Variants in SGK1 observed in about 807,000 individuals in gnomAD.
SGK1 encodes serum/glucocorticoid regulated kinase 1.
SGK1 carries 26 observed loss-of-function variants against 64.2 expected under a neutral mutation model. That is an observed-to-expected ratio of 0.40 (90% CI 0.30 to 0.56). The LOEUF (loss-of-function observed/expected upper bound fraction) is 0.56. Ranked by LOEUF, SGK1 falls within the 20% of genes least tolerant of loss-of-function variation. The probability of loss-of-function intolerance (pLI) is 0.38; values close to 1 mark genes in which losing one functional copy is unlikely to be tolerated. For missense variants in SGK1, 519 were observed against 645.6 expected (o/e 0.80, Z 2.12); for synonymous variants, 265 against 239.7 (o/e 1.11, Z -0.98).
chr6:134,261,033 G>A (rs1776759116), intron 2 of SGK1: 1 of 152,068 alleles, frequency 6.6e-6, no homozygotes, highest in African/African-American at 2.4e-5. Context: ...TAAGTTATAA[G>A]TTAAAAATAT....
At position 134,191,120 on chromosome 6, in the gene SGK1, C is replaced by A. The variant is rs146379558; in HGVS notation, c.361+16236G>T. ...CTGCTCACCTTAGCACTATTGTATTCATGTGTTTATGTGTATAAAGGACAG... is the reference window on the plus strand; with the variant it reads ...CTGCTCACCTTAGCACTATTGTATTAATGTGTTTATGTGTATAAAGGACAG... On this transcript the variant is annotated intron_variant, in intron 3 of 13. Coordinates refer to ENST00000367858, the MANE Select transcript of SGK1 (RefSeq NM_001143676.3). Among the ~76,000 whole-genome samples the A allele has an allele frequency of 6.4e-3, 978 of 152,280 alleles. 8 individuals are homozygous for A. Among genetic ancestry groups the A allele is most frequent in the African/African-American group, 0.022 (934 of 41,554 alleles).
chr6:134,183,633 A>C lies in SGK1; in HGVS notation c.362-9047T>G, dbSNP rs568970395. ...CTATGCCTTAATGTCATTAAAGTAC[A>C]GCCTTGGGCACGTTTGATCATTTAG... On this transcript the variant is annotated intron_variant, in intron 3 of 13. Coordinates refer to ENST00000367858, the MANE Select transcript of SGK1 (RefSeq NM_001143676.3). Among the ~76,000 whole-genome samples, 15 of 152,320 alleles carry C rather than the reference A, an allele frequency of 9.8e-5. No individual in the cohort carries two copies. In the East Asian group the frequency reaches 2.9e-3, roughly 29 times the overall value.
intron 2 of SGK1, among the ~76,000 whole-genome samples, chr6:134,214,108 A>G (rs1170505210): frequency 1.3e-5 from 2 of 150,902 alleles, no homozygotes; most frequent in African/African-American, 4.9e-5. Flanking sequence ...TTTTGTAGAG[A>G]CGGGGTCTCA....
At chr6:134,226,929 C>A (rs185495241) in intron 2 of SGK1, among the ~76,000 whole-genome samples, 1 of 152,074 alleles carries the variant, frequency 6.6e-6, no homozygotes, top group Admixed American at 6.6e-5. Flanking sequence ...CTCAAGCCAT[C>A]CTCACACTTT....
chr6:134,181,894 A>G (rs970792647), intron 3 of SGK1, among the ~76,000 whole-genome samples: 4 of 151,908 alleles, frequency 2.6e-5, no homozygotes, highest in Admixed American at 1.3e-4. Context: ...GTCTCACTTC[A>G]TCACCCAGGC....
At chr6:134,255,633 G>A (rs1303688142) in intron 2 of SGK1, among the ~76,000 whole-genome samples, 11 of 141,366 alleles carry the variant, frequency 7.8e-5, no homozygotes, top group African/African-American at 2.6e-4. Flanking sequence ...CTAGGCTGGA[G>A]TACAATGGCA....
intron 1 of SGK1, among the ~76,000 whole-genome samples, chr6:134,305,873 T>G (rs1021744870): frequency 1.3e-5 from 2 of 152,202 alleles, no homozygotes; most frequent in Admixed American, 6.5e-5. Flanking sequence ...AATTTCTATA[T>G]GAGTTTTCAG....
intron 2 of SGK1, among the ~76,000 whole-genome samples, chr6:134,214,385 G>A (rs1016322341): frequency 2.0e-4 from 30 of 152,166 alleles, no homozygotes; most frequent in African/African-American, 6.0e-4. Flanking sequence ...GAGGTCAGGC[G>A]TTCGAGACCA....
At chr6:134,236,401 C>A (rs1313644131) in intron 2 of SGK1, among the ~76,000 whole-genome samples, 1 of 151,942 alleles carries the variant, frequency 6.6e-6, no homozygotes, top group Non-Finnish European at 1.5e-5. Flanking sequence ...CTGAGGTGGG[C>A]GAATTGCTTG....
At chr6:134,234,137 C>T (rs1371830064) in intron 2 of SGK1, among the ~76,000 whole-genome samples, 3 of 152,202 alleles carry the variant, frequency 2.0e-5, no homozygotes, top group Admixed American at 6.5e-5. Context: ...TGGTGGCTCA[C>T]GCCTGTGATT....
intron 2 of SGK1, among the ~76,000 whole-genome samples, chr6:134,223,002 T>G (rs1185857532): frequency 1.3e-5 from 2 of 152,150 alleles, no homozygotes; most frequent in Admixed American, 1.3e-4. Flanking sequence ...GTAATACAAA[T>G]TGAGCAGTGT....
intron 3 of SGK1, among the ~76,000 whole-genome samples, chr6:134,179,832 G>A (rs1775304817): frequency 6.6e-6 from 1 of 152,144 alleles, no homozygotes; most frequent in Non-Finnish European, 1.5e-5. Context: ...TGAGCCCATA[G>A]GAAAATTGAC....
In SGK1 at chr6:134,172,533, G is replaced by A. The variant is rs372277589; in HGVS notation, c.947+129C>T. 579 of 785,068 alleles carry A rather than the reference G, an allele frequency of 7.4e-4. 4 individuals carry two copies. In the South Asian group the frequency reaches 8.9e-3, roughly 12 times the overall value. The allele number at this position is 785,068 out of a possible 1,614,324, so 48.6% of individuals were successfully genotyped here. On this transcript the variant is annotated intron_variant, in intron 9 of 13. Coordinates refer to ENST00000367858, the MANE Select transcript of SGK1 (RefSeq NM_001143676.3). ...TGGCACTTAAGTCAAGCCAGCTCAC[G>A]TGCTAGGGGATCTGGTTTTAGGCAA...
At chr6:134,224,991 G>A (rs922623987) in intron 2 of SGK1, among the ~76,000 whole-genome samples, 1 of 132,248 alleles carries the variant, frequency 7.6e-6, no homozygotes, top group Admixed American at 9.1e-5. Flanking sequence ...CTGCATTCCA[G>A]CCTGGAGACT....
At chr6:134,251,958 C>A (rs1417438717) in intron 2 of SGK1, among the ~76,000 whole-genome samples, 2 of 152,098 alleles carry the variant, frequency 1.3e-5, no homozygotes, top group Non-Finnish European at 2.9e-5. Context: ...AGTCTTTCTA[C>A]GTGACCCAGG....
intron 3 of SGK1, among the ~76,000 whole-genome samples, chr6:134,206,978 C>T (rs945599839): frequency 1.3e-5 from 2 of 151,926 alleles, no homozygotes; most frequent in Non-Finnish European, 2.9e-5. Flanking sequence ...GTAATCCCAG[C>T]ACTTTGGGAG....
intron 3 of SGK1, among the ~76,000 whole-genome samples, chr6:134,199,690 C>T (rs182011400): frequency 9.7e-4 from 144 of 147,970 alleles, no homozygotes; most frequent in Admixed American, 1.8e-3. Context: ...ATATGAACAA[C>T]GCATAATCCT....
intron 2 of SGK1, among the ~76,000 whole-genome samples, chr6:134,239,070 A>G (rs1428979249): frequency 6.6e-6 from 1 of 152,244 alleles, no homozygotes; most frequent in Non-Finnish European, 1.5e-5. Flanking sequence ...AGCTGAACGC[A>G]TACTTGGCAA....
intron 2 of SGK1, among the ~76,000 whole-genome samples, chr6:134,229,703 G>T (rs543977049): frequency 6.6e-6 from 1 of 152,122 alleles, no homozygotes. Flanking sequence ...CAGAAAATGC[G>T]CATGCATATA....
Sources: allele counts gnomAD v4.1 joint callset (sites outside exome capture counted in the v4.1 genomes callset), GRCh38; gene constraint gnomAD v4.1.1; transcripts MANE v1.5; gene names NCBI Gene and HGNC (gene_info 2026-07-23, HGNC 2026-07-21).